The following AP2A2 variants were observed in gnomAD, a reference collection of about 807,000 sequenced individuals.
The protein encoded by AP2A2 is AP-2 complex subunit alpha-2.
In AP2A2, 32 loss-of-function variants were observed where a neutral mutation model predicts 104.2. The observed-to-expected ratio is 0.31, with a 90% CI of 0.23 to 0.41. The LOEUF (loss-of-function observed/expected upper bound fraction) is 0.41. Ranked by LOEUF, AP2A2 falls within the 10% of genes least tolerant of loss-of-function variation. AP2A2 has a pLI of 1.00. For missense variants in AP2A2, 912 were observed against 1,261.0 expected, an observed-to-expected ratio of 0.72 and a Z score of 4.19; for synonymous variants, 539 against 533.3, an observed-to-expected ratio of 1.01 and a Z score of -0.15.
At chr11:1,008,389 C>T in intron 18 of AP2A2, 1 of 478,712 alleles carries the variant, frequency 2.1e-6, no homozygotes. Context: ...TCTTTCTGGG[C>T]ACCATGGGGC....
chr11:982,966 T>C (rs1365447474), intron 6 of AP2A2, among the ~76,000 whole-genome samples: 1 of 151,584 alleles, frequency 6.6e-6, no homozygotes, highest in African/African-American at 2.4e-5. Flanking sequence ...ACTTTCTAAT[T>C]ATGAATTCAA....
At chr11:998,816 C>T (rs1328054346) in intron 14 of AP2A2, among the ~76,000 whole-genome samples, 1 of 152,182 alleles carries the variant, frequency 6.6e-6, no homozygotes, top group Non-Finnish European at 1.5e-5. Flanking sequence ...GCCTCCACCT[C>T]CTGAGTAGCT....
chr11:1,009,873 A>C, intron 21 of AP2A2, 56 bp downstream of exon 21: 1 of 1,517,830 alleles, frequency 6.6e-7, no homozygotes, highest in Middle Eastern at 1.7e-4. Context: ...TTCTGGCACA[A>C]TGTACGTGGT....
Position 981,237 on chromosome 11 carries a change from G to A in AP2A2, c.643G>A (p.Ala215Thr), listed in dbSNP as rs747127551. ...TAATSLITTL[A>T]QKNPEEFKTS... ...AGCCACAAGTCTGATCACCACTTTA[G>A]CACAGAAGAACCCAGAAGAGTTTAA... Residue 215 changes from alanine (A) to threonine (T), a missense_variant, in exon 6 of 22, where the codon GCA becomes ACA. Ala to Thr is a moderately conservative substitution (Grantham distance 58). Transcript: ENST00000448903. The A allele has an allele frequency of 8.1e-6, 13 of 1,613,574 alleles. No homozygotes were observed. The highest frequency in any genetic ancestry group is 2.2e-5 in the East Asian group (1 of 44,894).
rs1128413 is a variant in AP2A2, at chr11:1,010,694, C to T, written c.*69C>T. 0.52 allele frequency: 686,789 copies of T among 1,314,352 alleles called. 184,334 individuals are homozygous for T. The highest frequency in any genetic ancestry group is 0.66 in the Admixed American group (33,591 of 50,858). The allele number at this position is 1,314,352 out of a possible 1,614,324, so 81.4% of individuals were successfully genotyped here. ...CGTCTGTGCCGTTTGTCTTCGTGGC[C>T]ATCCTGCAGATGAGCACCGTGTCCA... On this transcript the variant is annotated 3_prime_UTR_variant, in exon 22 of 22. Transcript: ENST00000448903.
chr11:981,962 C>T (rs541135519), intron 6 of AP2A2, among the ~76,000 whole-genome samples: 132 of 152,402 alleles, frequency 8.7e-4, no homozygotes, highest in Middle Eastern at 3.4e-3. Flanking sequence ...GCTCTCACAG[C>T]GGCAGCAGGA....
intron 1 of AP2A2, among the ~76,000 whole-genome samples, chr11:942,675 A>G (rs781246685): frequency 2.0e-5 from 3 of 152,246 alleles, no homozygotes; most frequent in Non-Finnish European, 4.4e-5. Flanking sequence ...ACTTTAAAAA[A>G]TAATTTCAGC....
chr11:935,162 TC>T (rs1392519122), intron 1 of AP2A2, among the ~76,000 whole-genome samples: 1 of 151,792 alleles, frequency 6.6e-6, no homozygotes, highest in Non-Finnish European at 1.5e-5. Flanking sequence ...CAAGTGATTC[TC>T]CTGCCTCAGC....
At chr11:979,484 G>A (rs772056346) in intron 5 of AP2A2, among the ~76,000 whole-genome samples, 7 of 152,098 alleles carry the variant, frequency 4.6e-5, no homozygotes, top group Non-Finnish European at 7.4e-5. Flanking sequence ...GGAGAGTGCC[G>A]TGCTATAGTA....
At chr11:986,104 G>A (rs1025141112) in intron 8 of AP2A2, among the ~76,000 whole-genome samples, 1 of 152,246 alleles carries the variant, frequency 6.6e-6, no homozygotes, top group African/African-American at 2.4e-5. Context: ...GTGGTCTGGC[G>A]TGGGTCTTGC....
At chr11:997,251 G>A (rs1277012028) in intron 14 of AP2A2, among the ~76,000 whole-genome samples, 1 of 152,130 alleles carries the variant, frequency 6.6e-6, no homozygotes, top group Admixed American at 6.5e-5. Context: ...ACAGCTCCTT[G>A]GGGGAGGCTG....
In AP2A2 at chr11:967,192, A is replaced by G. The variant is rs545656709; in HGVS notation, c.137-2977A>G. Among the ~76,000 whole-genome samples, 5 of 152,044 alleles carry G rather than the reference A, an allele frequency of 3.3e-5. No homozygotes were observed. The South Asian group carries it at 1.0e-3, about 32-fold the overall frequency. Reference sequence around the variant, plus strand: ...AAAAACAAAACAAAAATAACCAAGCAGGTTTCAGTCATTATGAGGTAGACA... The same window carrying G: ...AAAAACAAAACAAAAATAACCAAGCGGGTTTCAGTCATTATGAGGTAGACA... On this transcript the variant is annotated intron_variant, in intron 2 of 21. Coordinates refer to ENST00000448903, the MANE Select transcript of AP2A2 (RefSeq NM_012305.4).
At chr11:980,935 C>T (rs753267758) in intron 5 of AP2A2, among the ~76,000 whole-genome samples, 3 of 152,354 alleles carry the variant, frequency 2.0e-5, no homozygotes, top group African/African-American at 4.8e-5. Context: ...CATGGCTGGA[C>T]GTGGCCCTCT....
chr11:971,864 G>C (rs1277514682), intron 3 of AP2A2, among the ~76,000 whole-genome samples, 198 bp from the exon 4 acceptor site: 1 of 152,178 alleles, frequency 6.6e-6, no homozygotes, highest in African/African-American at 2.4e-5. Context: ...GAGCATCGTA[G>C]CAGAGGCATC....
intron 9 of AP2A2, among the ~76,000 whole-genome samples, chr11:987,238 G>A (rs975604789): frequency 6.6e-6 from 1 of 152,236 alleles, no homozygotes; most frequent in Non-Finnish European, 1.5e-5. Context: ...CATCCTGCGC[G>A]TGCATAGTGC....
chr11:1,003,738 A>T lies in AP2A2; in HGVS notation c.2140A>T (p.Asn714Tyr), dbSNP rs1195357792. 3 of 1,605,330 alleles carry T rather than the reference A, an allele frequency of 1.9e-6. No individual in the cohort carries two copies. Among genetic ancestry groups the T allele is most frequent in the Non-Finnish European group, 2.6e-6 (3 of 1,176,180 alleles). The change falls in exon 16 of 22, where the codon AAT becomes TAT. Residue 714 changes from asparagine (N) to tyrosine (Y), a missense_variant. This residue lies in a region of AP2A2 where 239 missense variants were observed against 329.8 expected (regional missense o/e 0.72). Coordinates refer to ENST00000448903, the MANE Select transcript of AP2A2 (RefSeq NM_012305.4). ...DNFARFVCKN[N>Y]GVLFENQLLQ... ...TTCCCCTAGGTTTGTTTGTAAAAAC[A>T]ATGGTGTGTTGTTTGAAAACCAGCT...
intron 20 of AP2A2, 60 bp from the exon 21 acceptor site, chr11:1,009,623 G>A (rs1372621000): frequency 6.2e-6 from 9 of 1,453,618 alleles, no homozygotes; most frequent in Admixed American, 2.0e-5. Context: ...GGGCGGCCCC[G>A]GGGGACACGC....
intron 17 of AP2A2, chr11:1,006,852 C>T: frequency 1.9e-6 from 1 of 526,390 alleles, no homozygotes; most frequent in South Asian, 2.5e-5. Flanking sequence ...ATACCGTGTA[C>T]ATGCCTCCTC....
chr11:985,396 A>G (rs1390048391), intron 7 of AP2A2, 39 bp from the exon 8 acceptor site: 3 of 1,594,934 alleles, frequency 1.9e-6, no homozygotes, highest in Non-Finnish European at 2.6e-6. Flanking sequence ...GCTGCGGGCC[A>G]CTGGAGACTG....
Sources: gnomAD v4.1 joint callset for allele counts (sites outside exome capture counted in the v4.1 genomes callset) on GRCh38, gnomAD v4.1.1 for gene constraint, gnomAD v4.1.1 regional missense constraint, MANE v1.5 for transcripts, NCBI Gene and HGNC (gene_info 2026-07-23, HGNC 2026-07-21) for gene names.